PTPN4: variants seen among roughly 807,000 people sequenced by gnomAD.
PTPN4 encodes tyrosine-protein phosphatase non-receptor type 4.
Under a neutral mutation model 135.5 loss-of-function variants are expected in PTPN4, and 49 were observed. The observed-to-expected ratio is 0.36, with a 90% confidence interval of 0.29 to 0.46. The LOEUF (loss-of-function observed/expected upper bound fraction) is 0.46, where lower values mean the gene tolerates loss of function less well. Among genes scored for constraint, PTPN4 ranks in the 20% least tolerant of loss-of-function variants. The probability of loss-of-function intolerance (pLI) is 1.00; values close to 1 mark genes in which losing one functional copy is unlikely to be tolerated. For synonymous variants in PTPN4, 333 were observed against 369.9 expected (o/e 0.90, Z 1.14); for missense variants, 860 against 1,101.0 (o/e 0.78, Z 3.10).
chr2:119,820,533 A>G (rs574137888), intron 2 of PTPN4, among the ~76,000 whole-genome samples: 1 of 152,302 alleles, frequency 6.6e-6, no homozygotes, highest in Non-Finnish European at 1.5e-5. Flanking sequence ...CCTGGTGGGA[A>G]GACCTGGAAG....
chr2:119,766,478 G>GTC (rs1558718981), intron 1 of PTPN4, among the ~76,000 whole-genome samples: 2 of 119,700 alleles, frequency 1.7e-5, no homozygotes, highest in Non-Finnish European at 3.4e-5. Flanking sequence ...GTGTGTGTGT[G>GTC]TGTGTCTGTG....
chr2:119,796,200 C>T (rs370504986), intron 1 of PTPN4, among the ~76,000 whole-genome samples: 17 of 152,288 alleles, frequency 1.1e-4, no homozygotes, highest in African/African-American at 2.2e-4. Flanking sequence ...CTGCAGCTGG[C>T]GTGATGGCAG....
At chr2:119,948,186 A>C (rs1376887980) in intron 18 of PTPN4, among the ~76,000 whole-genome samples, 1 of 152,130 alleles carries the variant, frequency 6.6e-6, no homozygotes, top group Non-Finnish European at 1.5e-5. Context: ...CTGCAGATGA[A>C]GGGATGAAGG....
intron 1 of PTPN4, among the ~76,000 whole-genome samples, chr2:119,781,939 G>A (rs546857166): frequency 2.0e-5 from 3 of 151,940 alleles, no homozygotes; most frequent in African/African-American, 4.8e-5. Flanking sequence ...TTTTTCCTGC[G>A]TGATTGTGTT....
At chr2:119,876,972 G>C (rs1677993845) in intron 3 of PTPN4, among the ~76,000 whole-genome samples, 1 of 149,872 alleles carries the variant, frequency 6.7e-6, no homozygotes, top group South Asian at 2.1e-4. Context: ...TTGAAAACTT[G>C]CCAGACTTTT....
intron 3 of PTPN4, among the ~76,000 whole-genome samples, chr2:119,871,812 G>C (rs1310475687): frequency 6.6e-6 from 1 of 152,048 alleles, no homozygotes; most frequent in Non-Finnish European, 1.5e-5. Flanking sequence ...TCTAAACTTG[G>C]CTATGCTTCC....
At chr2:119,928,661 T>C (rs543722452) in intron 13 of PTPN4, among the ~76,000 whole-genome samples, 1 of 152,250 alleles carries the variant, frequency 6.6e-6, no homozygotes, top group Admixed American at 6.5e-5. Context: ...AATGAGTCCA[T>C]GTATTTTTTA....
intron 9 of PTPN4, among the ~76,000 whole-genome samples, chr2:119,898,165 A>G (rs1678351828): frequency 6.6e-6 from 1 of 152,218 alleles, no homozygotes; most frequent in Non-Finnish European, 1.5e-5. Context: ...CCTTATCTCT[A>G]CAATAATTAG....
In PTPN4 at chr2:119,926,641, G is replaced by A. The variant is rs1367847583; in HGVS notation, c.1045G>A (p.Ala349Thr). The change falls in exon 13 of 27, where the codon GCA (alanine) becomes ACA (threonine). Residue 349 changes from alanine (A) to threonine (T), a missense_variant. Ala to Thr is a moderately conservative substitution (Grantham distance 58, BLOSUM62 0). This residue lies in a region of PTPN4 where 684 missense variants were observed against 807.0 expected (regional missense o/e 0.85). Coordinates refer to ENST00000263708, the MANE Select transcript of PTPN4 (RefSeq NM_002830.4). ...ATCAGTTCAGTATGGCAAAGAAAAG[G>A]CAAATAAAGACAGGGTATTTGCAAG... ...VQSVQYGKEK[A>T]NKDRVFARSP... 5 of 1,605,140 alleles carry A rather than the reference G, an allele frequency of 3.1e-6. No homozygotes were observed. Among genetic ancestry groups the A allele is most frequent in the Non-Finnish European group, 4.3e-6 (5 of 1,174,500 alleles).
chr2:119,810,340 G>C (rs1691555321), intron 2 of PTPN4, among the ~76,000 whole-genome samples: 1 of 152,164 alleles, frequency 6.6e-6, no homozygotes, highest in Non-Finnish European at 1.5e-5. Flanking sequence ...TGTACTGTCT[G>C]TGAGTAAAAT....
At chr2:119,965,203 G>T (rs951365943) in intron 24 of PTPN4, among the ~76,000 whole-genome samples, 4 of 152,170 alleles carry the variant, frequency 2.6e-5, no homozygotes, top group Admixed American at 1.3e-4. Flanking sequence ...CCAAAAGAAT[G>T]TCTCAAAGGG....
At chr2:119,858,021 G>C (rs557117353) in intron 2 of PTPN4, among the ~76,000 whole-genome samples, 3 of 152,098 alleles carry the variant, frequency 2.0e-5, no homozygotes, top group African/African-American at 7.2e-5. Flanking sequence ...GTTGATTCTG[G>C]GACCTCCCAC....
At chr2:119,802,614 G>C (rs1293739770) in intron 1 of PTPN4, among the ~76,000 whole-genome samples, 1 of 152,030 alleles carries the variant, frequency 6.6e-6, no homozygotes, top group Non-Finnish European at 1.5e-5. Flanking sequence ...GCTGAATTCT[G>C]GTTTCTTGTA....
intron 12 of PTPN4, among the ~76,000 whole-genome samples, chr2:119,926,122 T>C (rs551093264): frequency 6.6e-6 from 1 of 152,368 alleles, no homozygotes; most frequent in African/African-American, 2.4e-5. Context: ...ACATTTGATA[T>C]ACCGCAAATT....
At chr2:119,796,674 T>C (rs1691266279) in intron 1 of PTPN4, among the ~76,000 whole-genome samples, 1 of 152,240 alleles carries the variant, frequency 6.6e-6, no homozygotes, top group Non-Finnish European at 1.5e-5. Context: ...CAGATCTTTA[T>C]ATGGATCTAT....
At chr2:119,783,725 C>T (rs1282204012) in intron 1 of PTPN4, among the ~76,000 whole-genome samples, 1 of 152,222 alleles carries the variant, frequency 6.6e-6, no homozygotes, top group African/African-American at 2.4e-5. Flanking sequence ...ACAAAAGGAA[C>T]TGTCATTGTT....
At chr2:119,803,462 T>C (rs1368186440) in intron 1 of PTPN4, among the ~76,000 whole-genome samples, 1 of 152,226 alleles carries the variant, frequency 6.6e-6, no homozygotes, top group Non-Finnish European at 1.5e-5. Flanking sequence ...AGTTTCTACG[T>C]GTTTGGAGAT....
chr2:119,773,411 A>G (rs921491539), intron 1 of PTPN4, among the ~76,000 whole-genome samples: 1 of 152,170 alleles, frequency 6.6e-6, no homozygotes, highest in African/African-American at 2.4e-5. Flanking sequence ...GATGAACTAT[A>G]TAGCCTAAAA....
intron 3 of PTPN4, among the ~76,000 whole-genome samples, chr2:119,870,599 T>C (rs1373461948): frequency 6.6e-6 from 1 of 152,200 alleles, no homozygotes; most frequent in East Asian, 1.9e-4. Flanking sequence ...GACATAGTAC[T>C]TAAAATAGTG....
Sources: allele counts gnomAD v4.1 joint callset (sites outside exome capture counted in the v4.1 genomes callset), GRCh38; gene constraint gnomAD v4.1.1; regional missense constraint gnomAD v4.1.1; transcripts MANE v1.5; gene names NCBI Gene and HGNC (gene_info 2026-07-23, HGNC 2026-07-21).